Variants in FSTL5 observed in about 807,000 individuals in gnomAD.
FSTL5 encodes the protein follistatin like 5.
A neutral mutation model predicts 89.1 loss-of-function variants in FSTL5; 62 were observed. The observed-to-expected ratio is 0.70, with a 90% CI of 0.57 to 0.86. FSTL5 has a LOEUF of 0.86. Among genes scored for constraint, FSTL5 ranks in the 40% least tolerant of loss-of-function variants. The pLI is 0.00. For synonymous variants in FSTL5, 383 were observed against 346.2 expected (o/e 1.11, Z -1.18); for missense variants, 1,057 against 1,001.6 (o/e 1.06, Z -0.75).
chr4:161,428,883 G>C (rs1215546655), intron 15 of FSTL5, among the ~76,000 whole-genome samples: 1 of 152,004 alleles, frequency 6.6e-6, no homozygotes, highest in Non-Finnish European at 1.5e-5. Context: ...GCTGCTTGGG[G>C]ACCAGCTCCG....
intron 15 of FSTL5, among the ~76,000 whole-genome samples, chr4:161,407,157 T>C (rs1403742714): frequency 6.6e-6 from 1 of 152,186 alleles, no homozygotes; most frequent in Middle Eastern, 3.2e-3. Context: ...AATGTATTAT[T>C]GTCACGAATT....
chr4:161,525,873 G>T (rs1185997494), intron 10 of FSTL5, among the ~76,000 whole-genome samples: 1 of 152,004 alleles, frequency 6.6e-6, no homozygotes, highest in Non-Finnish European at 1.5e-5. Flanking sequence ...ATTATTTTAG[G>T]TATTTCTCTA....
At chr4:161,449,760 G>C (rs1310939216) in intron 15 of FSTL5, among the ~76,000 whole-genome samples, 1 of 151,956 alleles carries the variant, frequency 6.6e-6, no homozygotes, top group Non-Finnish European at 1.5e-5. Flanking sequence ...AATGGCACTT[G>C]TTTTAAATTG....
chr4:161,583,891 A>G (rs763288249), intron 8 of FSTL5, among the ~76,000 whole-genome samples: 8 of 152,156 alleles, frequency 5.3e-5, no homozygotes, highest in Non-Finnish European at 1.0e-4. Flanking sequence ...TGTCACATTT[A>G]TCATGTCCTC....
At chr4:161,487,709 T>C (rs1229468293) in intron 12 of FSTL5, among the ~76,000 whole-genome samples, 2 of 152,016 alleles carry the variant, frequency 1.3e-5, no homozygotes, top group Non-Finnish European at 2.9e-5. Flanking sequence ...TTCTTTCTTT[T>C]AAGTATGTAT....
intron 3 of FSTL5, among the ~76,000 whole-genome samples, chr4:161,992,739 G>T (rs1197441028): frequency 6.7e-6 from 1 of 149,706 alleles, no homozygotes; most frequent in Non-Finnish European, 1.5e-5. Context: ...AGCTATCCGG[G>T]AGCCTGAGGC....
intron 4 of FSTL5, among the ~76,000 whole-genome samples, chr4:161,789,982 C>A (rs139264454): frequency 5.9e-5 from 9 of 152,238 alleles, no homozygotes; most frequent in South Asian, 2.1e-4. Context: ...GCTCAGTAAC[C>A]GAATTAATTT....
chr4:161,483,833 G>T (rs1241459301), intron 12 of FSTL5, among the ~76,000 whole-genome samples: 2 of 151,986 alleles, frequency 1.3e-5, no homozygotes, highest in African/African-American at 4.8e-5. Context: ...ATATCAAAGA[G>T]TATTATTAAA....
chr4:162,014,238 T>G (rs1470784199), intron 3 of FSTL5, among the ~76,000 whole-genome samples: 1 of 152,222 alleles, frequency 6.6e-6, no homozygotes, highest in Non-Finnish European at 1.5e-5. Context: ...CCACTTAGAT[T>G]TTAAAGAACA....
intron 4 of FSTL5, among the ~76,000 whole-genome samples, chr4:161,783,929 C>T (rs1741788456): frequency 6.8e-6 from 1 of 147,520 alleles, no homozygotes; most frequent in African/African-American, 2.5e-5. Context: ...CCATGCCTGG[C>T]TAATTATTAT....
intron 6 of FSTL5, among the ~76,000 whole-genome samples, chr4:161,700,583 C>G (rs370851732): frequency 6.6e-6 from 1 of 151,706 alleles, no homozygotes; most frequent in African/African-American, 2.4e-5. Context: ...GCTATGTTTG[C>G]CCAGGGTGGT....
At chr4:161,694,350 C>T (rs1363645488) in intron 6 of FSTL5, among the ~76,000 whole-genome samples, 4 of 151,910 alleles carry the variant, frequency 2.6e-5, no homozygotes, top group African/African-American at 9.7e-5. Flanking sequence ...TTCTGTTTCC[C>T]AGTGAATGTT....
intron 6 of FSTL5, among the ~76,000 whole-genome samples, chr4:161,755,338 T>G (rs549400321): frequency 3.3e-5 from 5 of 152,104 alleles, no homozygotes; most frequent in African/African-American, 1.2e-4. Flanking sequence ...AAACACATTA[T>G]GTCTACTGGA....
chr4:162,017,686 C>T (rs1244570331), intron 3 of FSTL5, among the ~76,000 whole-genome samples: 1 of 152,092 alleles, frequency 6.6e-6, no homozygotes, highest in Non-Finnish European at 1.5e-5. Context: ...ATGGGATCAG[C>T]AGAACTTTAA....
intron 3 of FSTL5, among the ~76,000 whole-genome samples, chr4:162,000,704 A>T (rs1736439315): frequency 6.6e-6 from 1 of 152,208 alleles, no homozygotes; most frequent in Non-Finnish European, 1.5e-5. Context: ...TTACCTCTGT[A>T]CAATGACCTT....
intron 4 of FSTL5, among the ~76,000 whole-genome samples, chr4:161,777,598 CT>C (rs1741458571): frequency 6.6e-6 from 1 of 152,090 alleles, no homozygotes; most frequent in Non-Finnish European, 1.5e-5. Flanking sequence ...TCATTCATCT[CT>C]TTTTTAGGGC....
At chr4:162,002,233 A>G (rs17537546) in intron 3 of FSTL5, among the ~76,000 whole-genome samples, 8,566 of 152,264 alleles carry the variant, frequency 0.056, 311 homozygotes, top group Non-Finnish European at 0.089. Context: ...ACACAAAAAT[A>G]CTCAGTTTTC....
intron 3 of FSTL5, among the ~76,000 whole-genome samples, chr4:162,019,448 A>C (rs1459418626): frequency 3.9e-5 from 6 of 152,032 alleles, no homozygotes; most frequent in African/African-American, 1.4e-4. Flanking sequence ...ACTGAAAGAG[A>C]ATATATTTCC....
intron 10 of FSTL5, among the ~76,000 whole-genome samples, chr4:161,528,376 A>G (rs1731301703): frequency 7.0e-6 from 1 of 143,602 alleles, no homozygotes; most frequent in Non-Finnish European, 1.5e-5. Flanking sequence ...ATGCACATAT[A>G]GTTGGGATAT....
Sources: gnomAD v4.1 joint callset for allele counts (sites outside exome capture counted in the v4.1 genomes callset) on GRCh38, gnomAD v4.1.1 for gene constraint, MANE v1.5 for transcripts, NCBI Gene and HGNC (gene_info 2026-07-23, HGNC 2026-07-21) for gene names.